The following RARB variants were observed in gnomAD, a reference collection of about 807,000 sequenced individuals.
RARB encodes the protein retinoic acid receptor beta.
RARB carries 17 observed loss-of-function variants against 51.9 expected under a neutral mutation model. That is an observed-to-expected ratio of 0.33 (90% confidence interval 0.22 to 0.49). The LOEUF is 0.49. Among genes scored for constraint, RARB ranks in the 20% least tolerant of loss-of-function variants. The probability of loss-of-function intolerance (pLI) is 0.99; values close to 1 mark genes in which losing one functional copy is unlikely to be tolerated. For synonymous variants in RARB, 215 were observed against 195.4 expected, an observed-to-expected ratio of 1.10 and a Z score of -0.84; for missense variants, 369 against 550.8, an observed-to-expected ratio of 0.67 and a Z score of 3.30.
intron 3 of RARB, among the ~76,000 whole-genome samples, chr3:25,115,782 C>T (rs1699676803): frequency 6.6e-6 from 1 of 151,856 alleles, no homozygotes; most frequent in Admixed American, 6.6e-5. Flanking sequence ...CATGCCATCA[C>T]ACTCAGCTAA....
intron 3 of RARB, among the ~76,000 whole-genome samples, chr3:25,077,936 A>G (rs78671433): frequency 0.01 from 1,527 of 152,260 alleles, 20 homozygotes; most frequent in African/African-American, 0.035. Flanking sequence ...ATCTTTGCTA[A>G]CTAATGAAGC....
chr3:25,326,689 C>A (rs1185699774), intron 5 of RARB, among the ~76,000 whole-genome samples: 3 of 152,084 alleles, frequency 2.0e-5, no homozygotes, highest in Non-Finnish European at 4.4e-5. Context: ...TTGTCAATCC[C>A]TGGAATCTCT....
intron 5 of RARB, among the ~76,000 whole-genome samples, chr3:25,237,692 A>G (rs1702336208): frequency 1.3e-5 from 2 of 152,166 alleles, no homozygotes; most frequent in South Asian, 4.2e-4. Flanking sequence ...AGAACATGTT[A>G]TATCACCCCA....
At chr3:25,360,144 T>C (rs2125463083) in intron 5 of RARB, among the ~76,000 whole-genome samples, 1 of 152,340 alleles carries the variant, frequency 6.6e-6, no homozygotes, top group South Asian at 2.1e-4. Flanking sequence ...ACTTGTTTTA[T>C]GAATCTGGGT....
At chr3:24,963,907 T>C (rs1696198611) in intron 2 of RARB, among the ~76,000 whole-genome samples, 1 of 152,182 alleles carries the variant, frequency 6.6e-6, no homozygotes, top group African/African-American at 2.4e-5. Flanking sequence ...AAACTTTACC[T>C]TCCCTTTTAA....
chr3:25,291,389 G>C (rs1271854964), intron 5 of RARB, among the ~76,000 whole-genome samples: 1 of 151,456 alleles, frequency 6.6e-6, no homozygotes, highest in Non-Finnish European at 1.5e-5. Context: ...ATGTTTTCAA[G>C]TGCTGTAAAA....
chr3:25,067,316 G>C (rs1044295164), intron 3 of RARB, among the ~76,000 whole-genome samples: 2 of 152,154 alleles, frequency 1.3e-5, no homozygotes, highest in Admixed American at 1.3e-4. Flanking sequence ...GCTTGCAAAA[G>C]AGATTGAAAA....
chr3:25,384,058 A>C (rs1217560347), intron 5 of RARB, among the ~76,000 whole-genome samples: 1 of 152,202 alleles, frequency 6.6e-6, no homozygotes, highest in Non-Finnish European at 1.5e-5. Flanking sequence ...GAAGAAGAAA[A>C]AAACAGAAAC....
chr3:25,441,985 G>T (rs1708706527), intron 1 of RARB, among the ~76,000 whole-genome samples: 1 of 152,132 alleles, frequency 6.6e-6, no homozygotes, highest in Admixed American at 6.5e-5. Context: ...TTCCTACAAT[G>T]AAGTTTCCAA....
intron 5 of RARB, among the ~76,000 whole-genome samples, chr3:25,302,623 G>A (rs1704067984): frequency 6.6e-6 from 1 of 152,182 alleles, no homozygotes; most frequent in South Asian, 2.1e-4. Flanking sequence ...GGGAGTGGCT[G>A]TTAATGGGCA....
chr3:25,541,376 G>A (rs888613901), intron 3 of RARB, among the ~76,000 whole-genome samples: 2 of 151,724 alleles, frequency 1.3e-5, no homozygotes, highest in Non-Finnish European at 2.9e-5. Flanking sequence ...TCTGTCTTTC[G>A]TTCTGACCTT....
intron 2 of RARB, among the ~76,000 whole-genome samples, chr3:25,041,467 G>A (rs1310259909): frequency 6.6e-6 from 1 of 151,414 alleles, no homozygotes; most frequent in Non-Finnish European, 1.5e-5. Context: ...GCAATAACTG[G>A]TCTGACATCC....
At chr3:25,368,288 C>A (rs899229136) in intron 5 of RARB, among the ~76,000 whole-genome samples, 8 of 152,032 alleles carry the variant, frequency 5.3e-5, no homozygotes, top group Non-Finnish European at 7.4e-5. Context: ...CTAGACTAGG[C>A]AATTGATATT....
At position 25,157,391 on chromosome 3, in the gene RARB, G is replaced by GT. The variant is rs531016949; in HGVS notation, c.-279-16720dup. ...GTGTGTGTGTGTGTGTATATATATG[G>GT]TTTTTTTTGTTGTTGTTTTTGTTTT... is the stretch of plus-strand genomic sequence containing the variant. On this transcript the variant is annotated intron_variant, in intron 4 of 11. Coordinates refer to the RARB transcript ENST00000383772. 1.8e-4 allele frequency among the ~76,000 whole-genome samples: 19 copies of GT among 103,006 alleles called. No homozygotes were observed. The East Asian group carries it at 4.4e-3, about 24-fold the overall frequency. The allele number at this position is 103,006 out of a possible 152,430, so 67.6% of individuals were successfully genotyped here.
chr3:25,238,767 G>C (rs1702362668), intron 5 of RARB, among the ~76,000 whole-genome samples: 1 of 152,042 alleles, frequency 6.6e-6, no homozygotes, highest in African/African-American at 2.4e-5. Context: ...TGGATCACGA[G>C]GTCAGGATCA....
intron 5 of RARB, among the ~76,000 whole-genome samples, chr3:25,418,747 G>C (rs1707776450): frequency 6.6e-6 from 1 of 152,160 alleles, no homozygotes; most frequent in South Asian, 2.1e-4. Flanking sequence ...GATGGGGTCA[G>C]TGGATGGAAA....
intron 2 of RARB, among the ~76,000 whole-genome samples, chr3:24,962,683 C>T (rs1696167295): frequency 6.6e-6 from 1 of 152,182 alleles, no homozygotes; most frequent in African/African-American, 2.4e-5. Context: ...ATCTGGGTTG[C>T]ATGTCCTTAT....
Position 25,173,024 on chromosome 3 carries a change from G to A in RARB, c.-279-1095G>A, listed in dbSNP as rs115229583. Reference sequence around the variant, plus strand: ...TCTGGCCTTGAAGTACTCTTGTTTCGTGCCACATGAATCTTTTTTTGTGCC... The same window carrying A: ...TCTGGCCTTGAAGTACTCTTGTTTCATGCCACATGAATCTTTTTTTGTGCC... On this transcript the variant is annotated intron_variant, in intron 4 of 11. Transcript: ENST00000383772. Among the ~76,000 whole-genome samples, 959 of 152,210 alleles carry A rather than the reference G, an allele frequency of 6.3e-3. 10 individuals carry two copies. The highest frequency in any genetic ancestry group is 0.022 in the African/African-American group (895 of 41,516).
chr3:24,830,505 C>T (rs1225553031), intron 1 of RARB, among the ~76,000 whole-genome samples: 1 of 147,772 alleles, frequency 6.8e-6, no homozygotes, highest in Non-Finnish European at 1.5e-5. Flanking sequence ...GCCTCCACAC[C>T]CCTCCGCCCC....
Sources: allele counts gnomAD v4.1 joint callset (sites outside exome capture counted in the v4.1 genomes callset), GRCh38; gene constraint gnomAD v4.1.1; transcripts MANE v1.5; gene names NCBI Gene and HGNC (gene_info 2026-07-23, HGNC 2026-07-21).